The following FAM227B variants were observed in gnomAD, a reference collection of about 807,000 sequenced individuals.
FAM227B encodes family with sequence similarity 227 member B.
Under a neutral mutation model 73.8 loss-of-function variants are expected in FAM227B, and 88 were observed. The observed-to-expected ratio is 1.19, with a 90% CI of 1.00 to 1.42. FAM227B has a LOEUF of 1.42. FAM227B is among the 40% of genes most tolerant of loss of function. The pLI, the probability that FAM227B is intolerant of heterozygous loss-of-function variation, is 0.00. For missense variants in FAM227B, 632 were observed against 590.9 expected, an observed-to-expected ratio of 1.07 and a Z score of -0.72; for synonymous variants, 210 against 190.5, an observed-to-expected ratio of 1.10 and a Z score of -0.84.
At chr15:49,613,542 A>T (rs1407361522) in intron 2 of FAM227B, among the ~76,000 whole-genome samples, 2 of 152,138 alleles carry the variant, frequency 1.3e-5, no homozygotes, top group African/African-American at 4.8e-5. Context: ...GAGAATGAAT[A>T]AGATCTAATA....
At chr15:49,340,403 G>GCCCCCCCCCCCCCCCCCCC (rs373386438) in intron 13 of FAM227B, among the ~76,000 whole-genome samples, 10 of 94,384 alleles carry the variant, frequency 1.1e-4, no homozygotes, top group East Asian at 4.5e-4. Context: ...GCAGTGCCCC[G>GCCCCCCCCCCCCCCCCCCC]CCCCCCCCCT....
intron 11 of FAM227B, among the ~76,000 whole-genome samples, chr15:49,400,221 G>T (rs1295956182): frequency 2.0e-5 from 1 of 50,254 alleles, no homozygotes; most frequent in East Asian, 4.7e-4. Flanking sequence ...CAAACAGAGA[G>T]CCAAATCATG....
intron 3 of FAM227B, among the ~76,000 whole-genome samples, chr15:49,599,068 GTCCTGGGCT>G (rs1567675038): frequency 6.6e-6 from 1 of 151,964 alleles, no homozygotes; most frequent in Non-Finnish European, 1.5e-5. Flanking sequence ...AAGTTAAAGG[GTCCTGGGCT>G]TTTGTTTATT....
chr15:49,435,204 T>TA (rs2050993257), intron 11 of FAM227B, among the ~76,000 whole-genome samples: 1 of 151,648 alleles, frequency 6.6e-6, no homozygotes, highest in Non-Finnish European at 1.5e-5. Context: ...AAGTGTAACT[T>TA]ACCTATGTCA....
Position 49,327,698 on chromosome 15 carries a change from G to A in FAM227B, c.*870C>T. 6.3e-6 allele frequency: 2 copies of A among 317,468 alleles called. No individual in the cohort carries two copies. Among genetic ancestry groups the A allele is most frequent in the South Asian group, 1.9e-4 (2 of 10,616 alleles). The allele number at this position is 317,468 out of a possible 1,614,324, so 19.7% of individuals were successfully genotyped here. A position where few individuals can be genotyped will look rare whatever the true frequency, so the allele number is the denominator to read the frequency against. ...ATTACAGTGGGTTATTGCCAGTCAT[G>A]AAATGGGAGGAGTACTGTTGACTTA... On this transcript the variant is annotated 3_prime_UTR_variant, in exon 16 of 16. Transcript: ENST00000299338.
intron 5 of FAM227B, among the ~76,000 whole-genome samples, chr15:49,583,287 T>A (rs1157705208): frequency 6.8e-6 from 1 of 148,136 alleles, no homozygotes. Flanking sequence ...CAATCAGAAA[T>A]GATAAGGGAA....
chr15:49,591,734 C>T lies in FAM227B; in HGVS notation c.106-1727G>A, dbSNP rs150559869. Among the ~76,000 whole-genome samples the T allele has an allele frequency of 9.5e-4, 144 of 152,102 alleles. 2 individuals are homozygous for T. In the East Asian group the frequency reaches 0.023, roughly 24 times the overall value. On this transcript the variant is annotated intron_variant, in intron 3 of 15. Coordinates refer to ENST00000299338, the MANE Select transcript of FAM227B (RefSeq NM_152647.3). ...ACTCCTGACCTTGTGATCTGCTCAC[C>T]TCGGCCTCCCAAAATGCTGCGATTA...
intron 9 of FAM227B, among the ~76,000 whole-genome samples, chr15:49,559,368 C>T (rs2074045405): frequency 6.6e-6 from 1 of 152,054 alleles, no homozygotes; most frequent in African/African-American, 2.4e-5. Context: ...ACTTATGGCA[C>T]CAGGTACTCC....
intron 11 of FAM227B, among the ~76,000 whole-genome samples, chr15:49,479,413 G>A (rs2055675145): frequency 6.6e-6 from 1 of 152,010 alleles, no homozygotes; most frequent in Non-Finnish European, 1.5e-5. Flanking sequence ...AATCCACAAA[G>A]AAAGACAGCC....
chr15:49,426,136 C>A (rs866987090), intron 11 of FAM227B, among the ~76,000 whole-genome samples: 1 of 151,686 alleles, frequency 6.6e-6, no homozygotes, highest in South Asian at 2.1e-4. Flanking sequence ...TCCCTGTCTA[C>A]GAATGATCTG....
intron 10 of FAM227B, among the ~76,000 whole-genome samples, chr15:49,532,833 T>C (rs1168046913): frequency 1.3e-5 from 2 of 151,966 alleles, no homozygotes; most frequent in African/African-American, 2.4e-5. Context: ...AAACTACTTA[T>C]GCTCATTCAC....
intron 13 of FAM227B, among the ~76,000 whole-genome samples, chr15:49,364,153 C>T (rs1170983188): frequency 1.3e-5 from 2 of 152,018 alleles, no homozygotes; most frequent in Non-Finnish European, 2.9e-5. Flanking sequence ...AGAGTCCCTC[C>T]TCCTCAATGT....
In FAM227B at chr15:49,331,850, C is replaced by T; in HGVS notation, c.1350-1G>A. On this transcript the variant is annotated splice_acceptor_variant, in intron 14 of 15. Coordinates refer to ENST00000299338, the MANE Select transcript of FAM227B (RefSeq NM_152647.3). LOFTEE classifies it high-confidence loss of function. The stretch of plus-strand genomic sequence containing the variant: ...TTTCTTGGTAGCCTTTGCTTGGAGT[C>T]TAATCATGGAATAAAGAAAATCAGT... 2 of 1,598,002 alleles carry T rather than the reference C, an allele frequency of 1.3e-6. No individual in the cohort carries two copies. Among genetic ancestry groups the T allele is most frequent in the Non-Finnish European group, 1.7e-6 (2 of 1,165,520 alleles).
intron 11 of FAM227B, among the ~76,000 whole-genome samples, chr15:49,476,383 A>G (rs1370028078): frequency 2.0e-5 from 3 of 151,734 alleles, no homozygotes; most frequent in South Asian, 4.1e-4. Context: ...AGTTTCTAAA[A>G]TATTACTGGC....
chr15:49,433,280 T>A (rs1395772494), intron 11 of FAM227B, among the ~76,000 whole-genome samples: 1 of 151,630 alleles, frequency 6.6e-6, no homozygotes, highest in Non-Finnish European at 1.5e-5. Context: ...CTGTTTGCAT[T>A]TGGCACTGTC....
In FAM227B at chr15:49,371,304, T is replaced by C; in HGVS notation, c.1108A>G (p.Lys370Glu). The C allele has an allele frequency of 6.4e-7, 1 of 1,565,542 alleles. No individual in the cohort carries two copies. Among genetic ancestry groups the C allele is most frequent in the Non-Finnish European group, 8.8e-7 (1 of 1,140,698 alleles). ...EESRLSRLAT[K>E]SHYSSTGPEF... ...TTCATAATTATTATACTCCAAACCT[T>C]TGTTGCTAGTCTTGATAATCTTGAT... is the stretch of plus-strand genomic sequence containing the variant. The change falls in exon 12 of 16, where the codon AAG becomes GAG. Residue 370 changes from lysine to glutamate, a missense_variant and splice_region_variant. By Grantham distance (56) the Lys-to-Glu change is moderately conservative (BLOSUM62 1). Transcript: ENST00000299338.
At chr15:49,490,255 A>G (rs1489727262) in intron 11 of FAM227B, among the ~76,000 whole-genome samples, 1 of 151,826 alleles carries the variant, frequency 6.6e-6, no homozygotes, top group Non-Finnish European at 1.5e-5. Flanking sequence ...AGACACTAGA[A>G]AGAGAGTTAC....
At position 49,564,375 on chromosome 15, in the gene FAM227B, C is replaced by T. The variant is rs8037336; in HGVS notation, c.747+3870G>A. On this transcript the variant is annotated intron_variant, in intron 9 of 15. Transcript: ENST00000299338. ...CTGCAGAGAAAAAAGAATGCTTATG[C>T]ACTGTTGGTGGAAATGTTTATTAGT... is the stretch of plus-strand genomic sequence containing the variant. Among the ~76,000 whole-genome samples the T allele has an allele frequency of 4.7e-3, 710 of 152,264 alleles. 8 individuals are homozygous for T. Among genetic ancestry groups the T allele is most frequent in the African/African-American group, 0.016 (672 of 41,544 alleles).
chr15:49,347,452 G>T (rs1412021405), intron 13 of FAM227B, among the ~76,000 whole-genome samples: 1 of 152,154 alleles, frequency 6.6e-6, no homozygotes, highest in Admixed American at 6.5e-5. Context: ...ACAGATTATT[G>T]ATGACCCTAT....
Sources: allele counts gnomAD v4.1 joint callset (sites outside exome capture counted in the v4.1 genomes callset), GRCh38; gene constraint gnomAD v4.1.1; transcripts MANE v1.5; gene names NCBI Gene and HGNC (gene_info 2026-07-23, HGNC 2026-07-21).